The following GPCPD1 variants were observed in gnomAD, a reference collection of about 807,000 sequenced individuals.
GPCPD1 encodes glycerophosphocholine phosphodiesterase 1, also known as glycerophosphocholine phosphodiesterase GPCPD1.
In GPCPD1, 29 loss-of-function variants were observed where a neutral mutation model predicts 89.2. The ratio of observed to expected loss-of-function variants is 0.33; its 90% CI spans 0.24 to 0.44. The LOEUF (loss-of-function observed/expected upper bound fraction) is 0.44, where lower values mean the gene tolerates loss of function less well. Ranked by LOEUF, GPCPD1 falls within the 20% of genes least tolerant of loss-of-function variation. The probability of loss-of-function intolerance (pLI) is 1.00; values close to 1 mark genes in which losing one functional copy is unlikely to be tolerated. For missense variants in GPCPD1, 594 were observed against 808.9 expected, an observed-to-expected ratio of 0.73 and a Z score of 3.22; for synonymous variants, 258 against 266.3, an observed-to-expected ratio of 0.97 and a Z score of 0.30.
intron 10 of GPCPD1, 94 bp from the exon 11 acceptor site, chr20:5,574,063 G>C: frequency 1.3e-6 from 1 of 784,938 alleles, no homozygotes; most frequent in Non-Finnish European, 2.2e-6. Context: ...AATGGGAAAT[G>C]GTACTTATTC....
At chr20:5,581,948 G>A (rs1978531882) in intron 6 of GPCPD1, among the ~76,000 whole-genome samples, 1 of 147,918 alleles carries the variant, frequency 6.8e-6, no homozygotes, top group South Asian at 2.1e-4. Context: ...ACTTTGGGAG[G>A]CCGAGGCGGG....
At chr20:5,590,560 T>C (rs1444466242) in intron 4 of GPCPD1, among the ~76,000 whole-genome samples, 1 of 62,736 alleles carries the variant, frequency 1.6e-5, no homozygotes, top group South Asian at 4.5e-4. Context: ...AAAATCTCTA[T>C]TTTTAGTACA....
intron 10 of GPCPD1, among the ~76,000 whole-genome samples, chr20:5,574,599 A>G (rs191041719): frequency 6.6e-6 from 1 of 152,178 alleles, no homozygotes; most frequent in East Asian, 1.9e-4. Flanking sequence ...ATAGCTGGGC[A>G]TGGTACCACG....
chr20:5,568,006 CT>C (rs1429906455), intron 12 of GPCPD1, among the ~76,000 whole-genome samples: 2 of 152,006 alleles, frequency 1.3e-5, no homozygotes. Flanking sequence ...TTTTAAACAT[CT>C]GATTAAAAAC....
intron 2 of GPCPD1, among the ~76,000 whole-genome samples, chr20:5,602,888 C>G (rs1980261634): frequency 6.6e-6 from 1 of 150,536 alleles, no homozygotes; most frequent in Non-Finnish European, 1.5e-5. Flanking sequence ...GAGCCCAAAA[C>G]AGAAGAATCG....
At chr20:5,598,574 T>C (rs1019566781) in intron 3 of GPCPD1, 151 bp downstream of exon 3, 2 of 519,368 alleles carry the variant, frequency 3.9e-6, no homozygotes, top group African/African-American at 3.9e-5. Flanking sequence ...CACACAAATT[T>C]TGTAAAATTA....
chr20:5,551,877 T>A (rs1397350773), intron 19 of GPCPD1, among the ~76,000 whole-genome samples: 1 of 152,146 alleles, frequency 6.6e-6, no homozygotes, highest in East Asian at 1.9e-4. Flanking sequence ...GAAAACACAC[T>A]CACACACTCT....
intron 10 of GPCPD1, 105 bp downstream of exon 10, chr20:5,575,308 T>C: frequency 1.2e-6 from 1 of 816,676 alleles, no homozygotes; most frequent in Non-Finnish European, 1.9e-6. Context: ...TAAATTCCCT[T>C]GGTAAATAAT....
At chr20:5,587,763 A>G (rs1202957482) in intron 4 of GPCPD1, among the ~76,000 whole-genome samples, 1 of 152,234 alleles carries the variant, frequency 6.6e-6, no homozygotes, top group Non-Finnish European at 1.5e-5. Flanking sequence ...TTTCTATAGG[A>G]TTTTAATATT....
intron 17 of GPCPD1, among the ~76,000 whole-genome samples, chr20:5,559,206 A>G (rs1985947201): frequency 6.6e-6 from 1 of 152,124 alleles, no homozygotes; most frequent in African/African-American, 2.4e-5. Context: ...GTCTCAAATA[A>G]ATAAATAGAT....
chr20:5,597,925 T>C (rs1463397057), intron 3 of GPCPD1, among the ~76,000 whole-genome samples: 2 of 152,204 alleles, frequency 1.3e-5, no homozygotes, highest in Non-Finnish European at 2.9e-5. Context: ...TCTCTGCTCC[T>C]TTTAACACCA....
intron 19 of GPCPD1, among the ~76,000 whole-genome samples, chr20:5,554,924 AT>A (rs1338071080): frequency 1.3e-5 from 2 of 152,242 alleles, no homozygotes; most frequent in Non-Finnish European, 2.9e-5. Flanking sequence ...AGAAGCTGAT[AT>A]CAATCCTCAT....
chr20:5,578,471 C>T lies in GPCPD1; in HGVS notation c.614G>A (p.Cys205Tyr). 1 of 1,614,024 alleles carries T rather than the reference C, an allele frequency of 6.2e-7. No individual in the cohort carries two copies. The highest frequency in any genetic ancestry group is 8.5e-7 in the Non-Finnish European group (1 of 1,179,848). Reference sequence around the variant, plus strand: ...ACGATCAGGCTGCAAGCCATAACCACACTCCGGCTGTGAATGCCTGCACTT... The same window carrying T: ...ACGATCAGGCTGCAAGCCATAACCATACTCCGGCTGTGAATGCCTGCACTT... ...EFKCRHSQPE[C>Y]GYGLQPDRWT... is the part of the protein sequence containing the mutation. Residue 205 changes from cysteine to tyrosine, a missense_variant, in exon 8 of 20, where the codon TGT becomes TAT. Cys to Tyr is a radical substitution (Grantham distance 194). Coordinates refer to ENST00000379019, the MANE Select transcript of GPCPD1 (RefSeq NM_019593.5).
intron 8 of GPCPD1, 149 bp downstream of exon 8, chr20:5,578,231 C>CT (rs1005022591): frequency 7.7e-5 from 47 of 611,582 alleles, no homozygotes; most frequent in Admixed American, 4.1e-4. Context: ...GATGACAACT[C>CT]TAAGTTTTTT....
intron 19 of GPCPD1, 141 bp from the exon 20 acceptor site, chr20:5,547,991 G>A: frequency 2.0e-6 from 1 of 487,966 alleles, no homozygotes; most frequent in Non-Finnish European, 3.6e-6. Flanking sequence ...TTGTTTTAAA[G>A]ATGAAAGTAT....
At chr20:5,594,481 G>C (rs1273098607) in intron 3 of GPCPD1, among the ~76,000 whole-genome samples, 2 of 152,054 alleles carry the variant, frequency 1.3e-5, no homozygotes, top group African/African-American at 2.4e-5. Flanking sequence ...TTTTAGTAGA[G>C]ACGGGTTTCA....
At chr20:5,601,430 G>A (rs747275924) in intron 2 of GPCPD1, among the ~76,000 whole-genome samples, 5 of 135,790 alleles carry the variant, frequency 3.7e-5, no homozygotes, top group African/African-American at 8.5e-5. Flanking sequence ...GTACAGTGGC[G>A]CAATCTCAGC....
At position 5,593,325 on chromosome 20, in the gene GPCPD1, AC is replaced by A; in HGVS notation, c.231+1del. The stretch of plus-strand genomic sequence containing the variant: ...ATTGGAAACTAGATAAAGAAAACAT[AC>A]CTTTGGTTCTAAAAAGTACCCTTTG... On this transcript the variant is annotated splice_donor_variant, in intron 4 of 19. Coordinates refer to ENST00000379019, the MANE Select transcript of GPCPD1 (RefSeq NM_019593.5). LOFTEE classifies it high-confidence loss of function. 1 of 1,451,602 alleles carries A rather than the reference AC, an allele frequency of 6.9e-7. No individual in the cohort carries two copies. Among genetic ancestry groups the A allele is most frequent in the Non-Finnish European group, 9.7e-7 (1 of 1,032,922 alleles). 89.9% of individuals were successfully genotyped at this position (1,451,602 alleles called of 1,614,324 possible). A position where few individuals can be genotyped will look rare whatever the true frequency, so the allele number is the denominator to read the frequency against.
chr20:5,606,786 A>G (rs1980615225), intron 1 of GPCPD1, among the ~76,000 whole-genome samples: 1 of 152,252 alleles, frequency 6.6e-6, no homozygotes, highest in South Asian at 2.1e-4. Flanking sequence ...TATGTTAGCT[A>G]TAAACTATGT....
Sources: allele counts gnomAD v4.1 joint callset (sites outside exome capture counted in the v4.1 genomes callset), GRCh38; gene constraint gnomAD v4.1.1; transcripts MANE v1.5; gene names NCBI Gene and HGNC (gene_info 2026-07-23, HGNC 2026-07-21).